The following GRIN3A variants were observed in gnomAD, a reference collection of about 807,000 sequenced individuals.
GRIN3A encodes the protein glutamate ionotropic receptor NMDA type subunit 3A.
GRIN3A carries 47 observed loss-of-function variants against 92.4 expected under a neutral mutation model. The observed-to-expected ratio is 0.51, with a 90% CI of 0.40 to 0.65. The LOEUF (loss-of-function observed/expected upper bound fraction) is 0.65. GRIN3A is among the 30% of genes least tolerant of loss of function. GRIN3A has a pLI of 0.00. For synonymous variants in GRIN3A, 527 were observed against 540.6 expected, an observed-to-expected ratio of 0.97 and a Z score of 0.35; for missense variants, 1,324 against 1,393.1, an observed-to-expected ratio of 0.95 and a Z score of 0.79.
chr9:101,631,208 T>C (rs971413773), intron 3 of GRIN3A, among the ~76,000 whole-genome samples: 1 of 152,242 alleles, frequency 6.6e-6, no homozygotes, highest in African/African-American at 2.4e-5. Flanking sequence ...GTATTTCTAA[T>C]GCCTTTCATT....
chr9:101,657,230 T>A (rs895656609), intron 3 of GRIN3A, among the ~76,000 whole-genome samples: 1 of 151,936 alleles, frequency 6.6e-6, no homozygotes, highest in South Asian at 2.1e-4. Flanking sequence ...CAACCCTGTT[T>A]CATGAGTGCC....
In GRIN3A at chr9:101,579,228, A is replaced by G; in HGVS notation, c.2899T>C (p.Ser967Pro). Residue 967 changes from serine (S) to proline (P), a missense_variant, in exon 7 of 9, where the codon TCC becomes CCC. Coordinates refer to ENST00000361820, the MANE Select transcript of GRIN3A (RefSeq NM_133445.3). ...GTGTGGAGCCAGTATTGCAGCTTGG[A>G]TTTGTTTTTGATTCGTGGTAGCAGC... is the stretch of plus-strand genomic sequence containing the variant. ...RLLLPRIKNK[S>P]KLQYWLHTSQ... 6.2e-7 allele frequency: 1 copy of G among 1,613,890 alleles called. No homozygotes were observed. Among genetic ancestry groups the G allele is most frequent in the Non-Finnish European group, 8.5e-7 (1 of 1,179,900 alleles).
intron 1 of GRIN3A, among the ~76,000 whole-genome samples, chr9:101,694,344 T>C (rs1020071565): frequency 2.0e-5 from 3 of 151,626 alleles, no homozygotes. Flanking sequence ...AGCAGGAGCA[T>C]GCATATTACA....
intron 6 of GRIN3A, among the ~76,000 whole-genome samples, chr9:101,597,008 G>C (rs1023718520): frequency 2.6e-5 from 4 of 152,212 alleles, no homozygotes; most frequent in Non-Finnish European, 5.9e-5. Flanking sequence ...AGCTGGCCCT[G>C]CAAGGAGTTG....
In GRIN3A at chr9:101,727,883, G is replaced by A. The variant is rs145155745; in HGVS notation, c.699+9398C>T. On this transcript the variant is annotated intron_variant, in intron 1 of 8. Transcript: ENST00000361820. ...AGGTGAAGGCACACTAGATAAATTC[G>A]GATCTAGATTTATCATTCATGTTCA... 6.7e-3 allele frequency among the ~76,000 whole-genome samples: 1,000 copies of A among 148,822 alleles called. 5 individuals carry two copies. Among genetic ancestry groups the A allele is most frequent in the Non-Finnish European group, 8.8e-3 (591 of 67,410 alleles).
intron 1 of GRIN3A, among the ~76,000 whole-genome samples, chr9:101,736,079 T>C (rs1238155027): frequency 6.6e-6 from 1 of 152,264 alleles, no homozygotes; most frequent in African/African-American, 2.4e-5. Context: ...TTAGTTTTTA[T>C]CTCGGCACAT....
chr9:101,682,472 C>T (rs1456460488), intron 2 of GRIN3A, among the ~76,000 whole-genome samples: 4 of 152,192 alleles, frequency 2.6e-5, no homozygotes, highest in African/African-American at 9.7e-5. Context: ...TTATAAATCA[C>T]ACATCCCATT....
At chr9:101,608,752 C>T (rs1828319170) in intron 6 of GRIN3A, among the ~76,000 whole-genome samples, 1 of 152,182 alleles carries the variant, frequency 6.6e-6, no homozygotes. Context: ...CCTGGTATCA[C>T]AGCTGGTAGA....
intron 3 of GRIN3A, among the ~76,000 whole-genome samples, chr9:101,638,267 A>G (rs1271913810): frequency 6.6e-6 from 1 of 152,220 alleles, no homozygotes; most frequent in Non-Finnish European, 1.5e-5. Flanking sequence ...CCAACAAATT[A>G]TAGAATTTCA....
intron 1 of GRIN3A, among the ~76,000 whole-genome samples, chr9:101,694,384 C>T (rs1313339240): frequency 6.6e-6 from 1 of 152,052 alleles, no homozygotes; most frequent in Non-Finnish European, 1.5e-5. Flanking sequence ...CTTCTGAGCC[C>T]CAGGATGATT....
chr9:101,644,133 A>G (rs1828902101), intron 3 of GRIN3A, among the ~76,000 whole-genome samples: 1 of 152,098 alleles, frequency 6.6e-6, no homozygotes, highest in South Asian at 2.1e-4. Flanking sequence ...GAAAACTTAA[A>G]TGCATATAAT....
chr9:101,715,331 C>T (rs748469764), intron 1 of GRIN3A, among the ~76,000 whole-genome samples: 1 of 151,824 alleles, frequency 6.6e-6, no homozygotes, highest in African/African-American at 2.4e-5. Context: ...ACTGGCAATG[C>T]CATATTAAAT....
At chr9:101,733,121 G>GC (rs1360597439) in intron 1 of GRIN3A, among the ~76,000 whole-genome samples, 1 of 152,118 alleles carries the variant, frequency 6.6e-6, no homozygotes, top group Non-Finnish European at 1.5e-5. Context: ...TTAGAAATTG[G>GC]CATCAGTCTT....
At chr9:101,701,577 AAAC>A (rs1201574466) in intron 1 of GRIN3A, among the ~76,000 whole-genome samples, 6 of 152,022 alleles carry the variant, frequency 3.9e-5, no homozygotes, top group Non-Finnish European at 7.4e-5. Context: ...AACCCTAGGA[AAAC>A]AAACAAACAA....
intron 3 of GRIN3A, among the ~76,000 whole-genome samples, chr9:101,639,222 A>G (rs1828822238): frequency 6.6e-6 from 1 of 152,144 alleles, no homozygotes; most frequent in African/African-American, 2.4e-5. Context: ...GGTAAGTATG[A>G]TCATAATATA....
intron 1 of GRIN3A, among the ~76,000 whole-genome samples, chr9:101,718,704 C>T (rs570670077): frequency 8.5e-5 from 13 of 152,284 alleles, no homozygotes; most frequent in African/African-American, 2.6e-4. Flanking sequence ...AGCATTTAAT[C>T]CATCTGTTTA....
Position 101,693,242 on chromosome 9 carries a change from AAAAT to A in GRIN3A, c.700-6046_700-6043del, listed in dbSNP as rs773042987. On this transcript the variant is annotated intron_variant, in intron 1 of 8. Transcript: ENST00000361820. ...AAGATGGTGAAACCCCATCTCAGCTAAAATATATATATATATATATATATATATA... is the reference window on the plus strand; with the variant it reads ...AAGATGGTGAAACCCCATCTCAGCTAATATATATATATATATATATATATA... Among the ~76,000 whole-genome samples the A allele has an allele frequency of 1.6e-3, 131 of 80,442 alleles. No individual in the cohort carries two copies. The Middle Eastern group carries it at 0.017, about 11-fold the overall frequency. The allele number at this position is 80,442 out of a possible 152,430, so 52.8% of individuals were successfully genotyped here. A position where few individuals can be genotyped will look rare whatever the true frequency, so the allele number is the denominator to read the frequency against.
chr9:101,707,200 A>G (rs918779854), intron 1 of GRIN3A, among the ~76,000 whole-genome samples: 6 of 152,204 alleles, frequency 3.9e-5, no homozygotes, highest in Non-Finnish European at 5.9e-5. Context: ...CAGTATGCAC[A>G]ATAGTCTGTA....
At chr9:101,688,493 A>G in intron 1 of GRIN3A, among the ~76,000 whole-genome samples, 1 of 152,188 alleles carries the variant, frequency 6.6e-6, no homozygotes, top group East Asian at 1.9e-4. Flanking sequence ...ATAAAAACAG[A>G]GCGTTGGAAA....
Sources: gnomAD v4.1 joint callset for allele counts (sites outside exome capture counted in the v4.1 genomes callset) on GRCh38, gnomAD v4.1.1 for gene constraint, MANE v1.5 for transcripts, NCBI Gene and HGNC (gene_info 2026-07-23, HGNC 2026-07-21) for gene names.